Variants in RAB31 observed in about 807,000 individuals in gnomAD.
The protein encoded by RAB31 is RAB31, member RAS oncogene family, also known as ras-related protein Rab-31.
In RAB31, 21 loss-of-function variants were observed where a neutral mutation model predicts 25.6. That is an observed-to-expected ratio of 0.82 (90% CI 0.58 to 1.18). The LOEUF (loss-of-function observed/expected upper bound fraction) is 1.18. Ranked by LOEUF, RAB31 falls within the 50% of genes most tolerant of loss-of-function variation. RAB31 has a pLI of 0.00. For missense variants in RAB31, 196 were observed against 250.1 expected, an observed-to-expected ratio of 0.78 and a Z score of 1.46; for synonymous variants, 87 against 84.0, an observed-to-expected ratio of 1.04 and a Z score of -0.20.
intron 5 of RAB31, among the ~76,000 whole-genome samples, chr18:9,820,178 G>GT (rs2068617982): frequency 6.6e-6 from 1 of 151,976 alleles, no homozygotes; most frequent in Non-Finnish European, 1.5e-5. Context: ...ACACTAACTG[G>GT]TTTTACATAT....
chr18:9,821,357 G>C (rs2068623745), intron 5 of RAB31, among the ~76,000 whole-genome samples: 1 of 152,026 alleles, frequency 6.6e-6, no homozygotes, highest in African/African-American at 2.4e-5. Context: ...GAAAGTCTAA[G>C]GTTGAGGGCC....
intron 5 of RAB31, among the ~76,000 whole-genome samples, chr18:9,827,800 G>A (rs1328620610): frequency 1.3e-5 from 2 of 152,248 alleles, no homozygotes; most frequent in Non-Finnish European, 2.9e-5. Context: ...TTTTGTGGCA[G>A]CAAAGTGCTG....
intron 5 of RAB31, among the ~76,000 whole-genome samples, chr18:9,824,396 A>T (rs8088423): frequency 0.09 from 12,519 of 138,504 alleles, 732 homozygotes; most frequent in East Asian, 0.33. Flanking sequence ...GTGTGTGTAG[A>T]TGTATGTGTA....
At chr18:9,751,418 C>T (rs1228310036) in intron 1 of RAB31, among the ~76,000 whole-genome samples, 1 of 152,192 alleles carries the variant, frequency 6.6e-6, no homozygotes, top group African/African-American at 2.4e-5. Flanking sequence ...ATGCTGAGTG[C>T]ATGTGCAACA....
At chr18:9,858,917 G>A (rs965360856) in intron 6 of RAB31, among the ~76,000 whole-genome samples, 3 of 152,194 alleles carry the variant, frequency 2.0e-5, no homozygotes, top group Non-Finnish European at 4.4e-5. Context: ...ATGAGCGGAG[G>A]CTGGATGGGA....
intron 3 of RAB31, among the ~76,000 whole-genome samples, chr18:9,812,367 A>G (rs537177446): frequency 6.6e-6 from 1 of 152,356 alleles, no homozygotes. Context: ...TTGCTGGGTC[A>G]AATGGGACAC....
intron 1 of RAB31, among the ~76,000 whole-genome samples, chr18:9,772,081 G>A (rs761982061): frequency 2.0e-5 from 3 of 152,178 alleles, no homozygotes; most frequent in Non-Finnish European, 4.4e-5. Flanking sequence ...TCCCTTTTCC[G>A]CCTTCAAGGG....
chr18:9,749,405 T>C (rs1313682511), intron 1 of RAB31, among the ~76,000 whole-genome samples: 2 of 152,190 alleles, frequency 1.3e-5, no homozygotes, highest in Non-Finnish European at 2.9e-5. Context: ...GGAAGAGATT[T>C]AAGTTCTGTG....
At chr18:9,778,062 C>T (rs1332472408) in intron 2 of RAB31, among the ~76,000 whole-genome samples, 1 of 151,990 alleles carries the variant, frequency 6.6e-6, no homozygotes, top group Non-Finnish European at 1.5e-5. Flanking sequence ...CTGTAATGAC[C>T]TTTTTTAAAG....
intron 3 of RAB31, among the ~76,000 whole-genome samples, chr18:9,793,378 T>A (rs2068471074): frequency 6.6e-6 from 1 of 152,110 alleles, no homozygotes; most frequent in African/African-American, 2.4e-5. Flanking sequence ...ATATAAAAGT[T>A]GAGGCCGGAC....
At chr18:9,769,761 C>T (rs369714789) in intron 1 of RAB31, among the ~76,000 whole-genome samples, 23 of 152,114 alleles carry the variant, frequency 1.5e-4, no homozygotes, top group African/African-American at 4.3e-4. Flanking sequence ...ATCCTTGTGC[C>T]GGTTTTCAAA....
At chr18:9,808,152 T>C (rs1235127310) in intron 3 of RAB31, among the ~76,000 whole-genome samples, 1 of 152,172 alleles carries the variant, frequency 6.6e-6, no homozygotes, top group Middle Eastern at 3.2e-3. Context: ...GTACTGTTGC[T>C]TCAACCCTTG....
At chr18:9,753,364 A>T (rs1464425571) in intron 1 of RAB31, among the ~76,000 whole-genome samples, 2 of 152,142 alleles carry the variant, frequency 1.3e-5, no homozygotes, top group African/African-American at 4.8e-5. Flanking sequence ...TAATGGCTTT[A>T]TAAGGGGAGA....
chr18:9,758,257 A>C (rs570079039), intron 1 of RAB31: 3 of 152,474 alleles, frequency 2.0e-5, no homozygotes, highest in African/African-American at 7.2e-5. Flanking sequence ...CTCACCACGG[A>C]ACCAGCTCAT....
intron 3 of RAB31, among the ~76,000 whole-genome samples, chr18:9,811,873 A>G (rs1331583597): frequency 6.6e-6 from 1 of 152,256 alleles, no homozygotes; most frequent in Non-Finnish European, 1.5e-5. Context: ...CATCATTTTA[A>G]TGGCTATAGA....
At chr18:9,811,822 C>T (rs1406183117) in intron 3 of RAB31, among the ~76,000 whole-genome samples, 1 of 152,180 alleles carries the variant, frequency 6.6e-6, no homozygotes, top group African/African-American at 2.4e-5. Context: ...TATTTCTCAT[C>T]TAACAGTATG....
chr18:9,862,179 A>C lies in RAB31; in HGVS notation c.*2854A>C, dbSNP rs1469285949. The C allele has an allele frequency of 1.3e-5, 2 of 152,322 alleles. No individual in the cohort carries two copies. The highest frequency in any genetic ancestry group is 4.8e-5 in the African/African-American group (2 of 41,458). The allele number at this position is 152,322 out of a possible 1,614,324, so 9.4% of individuals were successfully genotyped here. On this transcript the variant is annotated 3_prime_UTR_variant, in exon 7 of 7. Transcript: ENST00000578921. ...AACTGAGCTTTTTTGTGTGGGCTCC[A>C]GTTCTCACTGTTCTGCAATGCTCAT...
chr18:9,720,642 G>A (rs2068069381), intron 1 of RAB31, among the ~76,000 whole-genome samples: 1 of 152,046 alleles, frequency 6.6e-6, no homozygotes. Context: ...GCCTGGTGCG[G>A]GGGGTAGATT....
At chr18:9,751,812 AATTCCT>A (rs572381281) in intron 1 of RAB31, among the ~76,000 whole-genome samples, 3 of 152,314 alleles carry the variant, frequency 2.0e-5, no homozygotes, top group African/African-American at 7.2e-5. Flanking sequence ...TCTTTGGGAC[AATTCCT>A]CTTGGGAGTC....
Sources: allele counts gnomAD v4.1 joint callset (sites outside exome capture counted in the v4.1 genomes callset), GRCh38; gene constraint gnomAD v4.1.1; transcripts MANE v1.5; gene names NCBI Gene and HGNC (gene_info 2026-07-23, HGNC 2026-07-21).